CHST11: variants seen among roughly 807,000 people sequenced by gnomAD.
CHST11 encodes C4S-1.
CHST11 carries 9 observed loss-of-function variants against 30.4 expected under a neutral mutation model. The observed-to-expected ratio is 0.30, with a 90% confidence interval of 0.18 to 0.52. The LOEUF (loss-of-function observed/expected upper bound fraction) is 0.52. Among genes scored for constraint, CHST11 ranks in the 20% least tolerant of loss-of-function variants. The pLI is 0.97. For synonymous variants in CHST11, 152 were observed against 187.8 expected (o/e 0.81, Z 1.56); for missense variants, 348 against 460.6 (o/e 0.76, Z 2.24).
At chr12:104,696,482 CAAAAAAAAAA>C (rs10602668) in intron 2 of CHST11, among the ~76,000 whole-genome samples, 3 of 69,116 alleles carry the variant, frequency 4.3e-5, no homozygotes, top group African/African-American at 1.2e-4. Flanking sequence ...GCTAAAAATA[CAAAAAAAAAA>C]AAAAAAAAAA....
intron 1 of CHST11, among the ~76,000 whole-genome samples, chr12:104,466,574 G>T (rs1019544600): frequency 1.3e-5 from 2 of 152,202 alleles, no homozygotes; most frequent in South Asian, 4.1e-4. Flanking sequence ...CTATTTGGGA[G>T]AGCCAAATTC....
chr12:104,651,154 C>T (rs1316432623), intron 2 of CHST11, among the ~76,000 whole-genome samples: 1 of 152,224 alleles, frequency 6.6e-6, no homozygotes. Flanking sequence ...TCCAGCACAT[C>T]ACCATCAGAT....
At chr12:104,644,947 T>TTTTG (rs2039412081) in intron 2 of CHST11, among the ~76,000 whole-genome samples, 1 of 152,182 alleles carries the variant, frequency 6.6e-6, no homozygotes, top group East Asian at 1.9e-4. Flanking sequence ...TCTTCCACTT[T>TTTTG]TTTTGTTTTG....
At chr12:104,532,353 G>A (rs918720903) in intron 1 of CHST11, among the ~76,000 whole-genome samples, 2 of 147,830 alleles carry the variant, frequency 1.4e-5, no homozygotes, top group African/African-American at 2.5e-5. Flanking sequence ...AGCCAAAGAC[G>A]GTGTATTGGT....
intron 1 of CHST11, among the ~76,000 whole-genome samples, chr12:104,596,364 G>A (rs540963161): frequency 7.2e-5 from 11 of 152,352 alleles, no homozygotes; most frequent in South Asian, 2.1e-4. Context: ...GAAGTCAACC[G>A]AGTATTAGAG....
At chr12:104,567,664 G>A (rs528310216) in intron 1 of CHST11, among the ~76,000 whole-genome samples, 9 of 152,298 alleles carry the variant, frequency 5.9e-5, no homozygotes, top group Non-Finnish European at 1.3e-4. Context: ...TGTTGAGCAA[G>A]GATCCAGGGT....
At chr12:104,625,578 T>G (rs1300321178) in intron 2 of CHST11, among the ~76,000 whole-genome samples, 1 of 152,246 alleles carries the variant, frequency 6.6e-6, no homozygotes, top group Non-Finnish European at 1.5e-5. Flanking sequence ...GTGCTGAGAT[T>G]ACAGGCATGA....
chr12:104,624,213 A>G (rs138387971), intron 2 of CHST11, among the ~76,000 whole-genome samples: 1 of 152,304 alleles, frequency 6.6e-6, no homozygotes, highest in African/African-American at 2.4e-5. Context: ...GCAAACCTCA[A>G]TTTTGAGGTC....
intron 2 of CHST11, among the ~76,000 whole-genome samples, chr12:104,699,696 T>C (rs1179001586): frequency 6.6e-6 from 1 of 152,240 alleles, no homozygotes. Context: ...GACAGGCTGT[T>C]TCACTTCTCT....
chr12:104,726,616 AC>A (rs2040218881), intron 2 of CHST11, among the ~76,000 whole-genome samples: 1 of 151,972 alleles, frequency 6.6e-6, no homozygotes, highest in Non-Finnish European at 1.5e-5. Context: ...AAGCTCAACA[AC>A]CCTGCTTCAG....
At chr12:104,743,280 C>G (rs930956166) in intron 2 of CHST11, among the ~76,000 whole-genome samples, 1 of 152,222 alleles carries the variant, frequency 6.6e-6, no homozygotes. Flanking sequence ...GATGGGAGAG[C>G]TGAGGTTCCA....
At chr12:104,539,987 T>C (rs1302333882) in intron 1 of CHST11, among the ~76,000 whole-genome samples, 1 of 152,196 alleles carries the variant, frequency 6.6e-6, no homozygotes, top group African/African-American at 2.4e-5. Flanking sequence ...AAAAGGTGTC[T>C]TAGTATTTAT....
Position 104,586,457 on chromosome 12 carries a change from A to G in CHST11, c.119-15449A>G, listed in dbSNP as rs187889497. 6.1e-4 allele frequency among the ~76,000 whole-genome samples: 93 copies of G among 152,316 alleles called. 2 individuals carry two copies. The highest frequency in any genetic ancestry group is 2.1e-3 in the African/African-American group (86 of 41,562). Reference sequence around the variant, plus strand: ...GTGAGATTATCCTGGGCAGAACTAAACAGCTTTCTGGACTCAAGGGGAGGA... The same window carrying G: ...GTGAGATTATCCTGGGCAGAACTAAGCAGCTTTCTGGACTCAAGGGGAGGA... On this transcript the variant is annotated intron_variant, in intron 1 of 2. Coordinates refer to ENST00000303694, the MANE Select transcript of CHST11 (RefSeq NM_018413.6).
chr12:104,681,710 G>A (rs2039796778), intron 2 of CHST11, among the ~76,000 whole-genome samples: 1 of 151,958 alleles, frequency 6.6e-6, no homozygotes, highest in Non-Finnish European at 1.5e-5. Flanking sequence ...TTAGCCAGGT[G>A]TGGTAGCATG....
chr12:104,634,350 G>C (rs972922150), intron 2 of CHST11, among the ~76,000 whole-genome samples: 2 of 152,110 alleles, frequency 1.3e-5, no homozygotes, highest in African/African-American at 2.4e-5. Flanking sequence ...TCTTCCTTGG[G>C]AATCCAGAGG....
intron 2 of CHST11, among the ~76,000 whole-genome samples, chr12:104,716,170 G>A (rs934474986): frequency 2.0e-5 from 3 of 152,250 alleles, no homozygotes; most frequent in African/African-American, 7.2e-5. Context: ...CAGAGCCAAT[G>A]TCGCAGACAT....
At chr12:104,487,683 T>C (rs961003455) in intron 1 of CHST11, among the ~76,000 whole-genome samples, 3 of 152,090 alleles carry the variant, frequency 2.0e-5, no homozygotes, top group African/African-American at 4.8e-5. Flanking sequence ...GATTGCTGGC[T>C]CCTTTAAGAA....
chr12:104,537,694 T>A (rs1028378175), intron 1 of CHST11, among the ~76,000 whole-genome samples: 2 of 60,862 alleles, frequency 3.3e-5, no homozygotes, highest in African/African-American at 1.4e-4. Context: ...ACCTCCCTGC[T>A]TTTTTTTTTT....
intron 1 of CHST11, among the ~76,000 whole-genome samples, chr12:104,572,565 C>T (rs1312068051): frequency 2.6e-5 from 4 of 152,062 alleles, no homozygotes; most frequent in African/African-American, 9.7e-5. Flanking sequence ...GTGATATCCC[C>T]TTTATCATTT....
Sources: allele counts gnomAD v4.1 joint callset (sites outside exome capture counted in the v4.1 genomes callset), GRCh38; gene constraint gnomAD v4.1.1; transcripts MANE v1.5; gene names NCBI Gene and HGNC (gene_info 2026-07-23, HGNC 2026-07-21).